Variants in EPHA3 observed in about 807,000 individuals in gnomAD.
EPHA3 encodes EPH receptor A3.
EPHA3 carries 42 observed loss-of-function variants against 107.1 expected under a neutral mutation model. The ratio of observed to expected loss-of-function variants is 0.39; its 90% CI spans 0.31 to 0.51. The LOEUF (loss-of-function observed/expected upper bound fraction) is 0.51, where lower values mean the gene tolerates loss of function less well. EPHA3 is among the 20% of genes least tolerant of loss of function. The probability of loss-of-function intolerance (pLI) is 0.78; values close to 1 mark genes in which losing one functional copy is unlikely to be tolerated. For missense variants in EPHA3, 1,183 were observed against 1,211.2 expected (o/e 0.98, Z 0.35); for synonymous variants, 461 against 424.8 (o/e 1.09, Z -1.05).
intron 2 of EPHA3, among the ~76,000 whole-genome samples, chr3:89,191,377 G>C (rs1461323705): frequency 6.6e-6 from 1 of 151,762 alleles, no homozygotes; most frequent in African/African-American, 2.4e-5. Context: ...CACGATCTCG[G>C]CTCACTGCAA....
At chr3:89,108,422 C>T (rs1287511980) in intron 1 of EPHA3, among the ~76,000 whole-genome samples, 1 of 152,182 alleles carries the variant, frequency 6.6e-6, no homozygotes, top group Non-Finnish European at 1.5e-5. Flanking sequence ...TTCTAAAGAG[C>T]AGCATATGCC....
chr3:89,173,408 G>T (rs1705251360), intron 2 of EPHA3, among the ~76,000 whole-genome samples: 1 of 151,974 alleles, frequency 6.6e-6, no homozygotes, highest in Non-Finnish European at 1.5e-5. Context: ...TCTCACAGCA[G>T]ATAAGTCACC....
chr3:89,175,479 T>G (rs1705302319), intron 2 of EPHA3, among the ~76,000 whole-genome samples: 1 of 152,142 alleles, frequency 6.6e-6, no homozygotes. Context: ...TCTTTAAATA[T>G]TAAGACACAG....
chr3:89,452,295 T>A (rs532370942), intron 15 of EPHA3, among the ~76,000 whole-genome samples: 2 of 152,304 alleles, frequency 1.3e-5, no homozygotes, highest in South Asian at 4.1e-4. Context: ...TTTTTCCATA[T>A]GGCTGTTCCA....
chr3:89,407,470 T>C, intron 8 of EPHA3, 99 bp downstream of exon 8: 2 of 941,764 alleles, frequency 2.1e-6, no homozygotes, highest in Non-Finnish European at 3.3e-6. Context: ...ATAAAATATT[T>C]TAACAAATAA....
chr3:89,417,622 A>G (rs1038167347), intron 10 of EPHA3, among the ~76,000 whole-genome samples: 3 of 151,398 alleles, frequency 2.0e-5, no homozygotes, highest in East Asian at 1.9e-4. Context: ...TAAATGGCAT[A>G]TTCTTCCTTC....
intron 13 of EPHA3, among the ~76,000 whole-genome samples, chr3:89,445,638 G>A (rs149554782): frequency 6.6e-6 from 1 of 152,256 alleles, no homozygotes; most frequent in Admixed American, 6.5e-5. Context: ...GAAAATAAAT[G>A]AGATTGCCCC....
intron 13 of EPHA3, among the ~76,000 whole-genome samples, chr3:89,440,656 A>G (rs1451876452): frequency 6.6e-6 from 1 of 152,220 alleles, no homozygotes; most frequent in African/African-American, 2.4e-5. Context: ...TTTCAAGAAC[A>G]GGGTTACCGT....
intron 1 of EPHA3, among the ~76,000 whole-genome samples, chr3:89,120,608 T>G (rs1707356040): frequency 6.6e-6 from 1 of 152,174 alleles, no homozygotes; most frequent in African/African-American, 2.4e-5. Flanking sequence ...CAGCATAGGA[T>G]TGACATTTAC....
rs897111203 is a variant in EPHA3, at chr3:89,268,807, A to G, written c.814+58287A>G. Among the ~76,000 whole-genome samples, 7 of 151,902 alleles carry G rather than the reference A, an allele frequency of 4.6e-5. No individual in the cohort carries two copies. The South Asian group carries it at 1.0e-3, about 23-fold the overall frequency. On this transcript the variant is annotated intron_variant, in intron 3 of 16. Coordinates refer to ENST00000336596, the MANE Select transcript of EPHA3 (RefSeq NM_005233.6). ...TTTATTATTGGCTTTTATATACTCC[A>G]TTATTTTCACAAAGTGCTATAAAAT...
intron 3 of EPHA3, among the ~76,000 whole-genome samples, chr3:89,283,733 G>C (rs1706004500): frequency 6.6e-6 from 1 of 152,230 alleles, no homozygotes; most frequent in South Asian, 2.1e-4. Context: ...TGAAACACAA[G>C]AGAGAATTGA....
chr3:89,392,844 T>A (rs549143946), intron 5 of EPHA3, among the ~76,000 whole-genome samples: 386 of 152,066 alleles, frequency 2.5e-3, no homozygotes, highest in African/African-American at 9.1e-3. Context: ...TATTCTAAAT[T>A]GTGTCACAGC....
Position 89,338,051 on chromosome 3 carries a change from C to G in EPHA3, c.815-2865C>G, listed in dbSNP as rs144469182. Among the ~76,000 whole-genome samples, 1,201 of 152,210 alleles carry G rather than the reference C, an allele frequency of 7.9e-3. 11 individuals carry two copies. The highest frequency in any genetic ancestry group is 8.8e-3 in the Non-Finnish European group (596 of 67,998). ...TGTATTTGTACATCTTGTTAGAAAA[C>G]AAAAAGGTATCACAAATATTTTAAT... On this transcript the variant is annotated intron_variant, in intron 3 of 16. Coordinates refer to ENST00000336596, the MANE Select transcript of EPHA3 (RefSeq NM_005233.6).
At chr3:89,155,384 C>A (rs1156546913) in intron 2 of EPHA3, among the ~76,000 whole-genome samples, 2 of 152,006 alleles carry the variant, frequency 1.3e-5, no homozygotes, top group Non-Finnish European at 2.9e-5. Context: ...TGGGTGTATA[C>A]CTTGTGCCAA....
intron 5 of EPHA3, among the ~76,000 whole-genome samples, chr3:89,369,699 T>G (rs1344398880): frequency 6.8e-6 from 1 of 147,728 alleles, no homozygotes; most frequent in Non-Finnish European, 1.5e-5. Context: ...CAAAAGAAAC[T>G]ACCATCAGAG....
At chr3:89,133,308 C>T (rs1317296854) in intron 2 of EPHA3, among the ~76,000 whole-genome samples, 5 of 152,264 alleles carry the variant, frequency 3.3e-5, no homozygotes, top group East Asian at 1.9e-4. Flanking sequence ...GACAAAAGTT[C>T]GCATACAATC....
chr3:89,267,852 G>A (rs2107292332), intron 3 of EPHA3, among the ~76,000 whole-genome samples: 1 of 152,204 alleles, frequency 6.6e-6, no homozygotes, highest in South Asian at 2.1e-4. Flanking sequence ...AGGTGATGCT[G>A]AGCTCAATTT....
intron 9 of EPHA3, among the ~76,000 whole-genome samples, chr3:89,408,847 A>G (rs1478555062): frequency 6.6e-6 from 1 of 152,054 alleles, no homozygotes; most frequent in East Asian, 1.9e-4. Flanking sequence ...TAGTACAAAG[A>G]CTGTACTCAT....
At chr3:89,162,919 C>T (rs887265951) in intron 2 of EPHA3, among the ~76,000 whole-genome samples, 6 of 152,160 alleles carry the variant, frequency 3.9e-5, no homozygotes, top group Non-Finnish European at 7.4e-5. Flanking sequence ...TCCCAGCAGC[C>T]GGGGCTGCAG....
Sources: gnomAD v4.1 joint callset for allele counts (sites outside exome capture counted in the v4.1 genomes callset) on GRCh38, gnomAD v4.1.1 for gene constraint, MANE v1.5 for transcripts, NCBI Gene and HGNC (gene_info 2026-07-23, HGNC 2026-07-21) for gene names.